Variants in ST14 observed in about 807,000 individuals in gnomAD.
The protein encoded by ST14 is ST14 transmembrane serine protease matriptase.
A neutral mutation model predicts 96.5 loss-of-function variants in ST14; 40 were observed. That is an observed-to-expected ratio of 0.41 (90% CI 0.32 to 0.54). The LOEUF (loss-of-function observed/expected upper bound fraction) is 0.54. Among genes scored for constraint, ST14 ranks in the 20% least tolerant of loss-of-function variants. ST14 has a pLI of 0.17. For missense variants in ST14, 1,066 were observed against 1,188.9 expected (o/e 0.90, Z 1.52); for synonymous variants, 506 against 492.1 (o/e 1.03, Z -0.37).
At chr11:130,189,380 G>T (rs1214317789) in intron 4 of ST14, 2 of 457,178 alleles carry the variant, frequency 4.4e-6, no homozygotes, top group East Asian at 8.4e-5. Flanking sequence ...GGGGAATGCT[G>T]TGTGGCAGGT....
In ST14 at chr11:130,209,556, G is replaced by A; in HGVS notation, c.2384G>A (p.Ser795Asn). The change falls in exon 18 of 19, where the codon AGC (serine) becomes AAC (asparagine). Residue 795 changes from serine to asparagine, a missense_variant. Physicochemically the swap from Ser to Asn is conservative, Grantham distance 46 (BLOSUM62 1). Coordinates refer to ENST00000278742, the MANE Select transcript of ST14 (RefSeq NM_021978.4). ...CGCATGATGTGCGTGGGCTTCCTCA[G>A]CGGCGGCGTGGACTCCTGCCAGGTG... ...TPRMMCVGFL[S>N]GGVDSCQGDS... The A allele has an allele frequency of 6.4e-7, 1 of 1,574,106 alleles. No homozygotes were observed. The highest frequency in any genetic ancestry group is 8.6e-7 in the Non-Finnish European group (1 of 1,159,988).
chr11:130,209,777 G>A lies in ST14; in HGVS notation c.2522G>A (p.Arg841Lys). 1 of 1,614,066 alleles carries A rather than the reference G, an allele frequency of 6.2e-7. No homozygotes were observed. The highest frequency in any genetic ancestry group is 8.5e-7 in the Non-Finnish European group (1 of 1,180,028). ...AQRNKPGVYT[R>K]LPLFRDWIKE... ...AGGAACAAGCCAGGCGTGTACACAA[G>A]GCTCCCTCTGTTTCGGGACTGGATC... Residue 841 changes from arginine (R) to lysine (K), a missense_variant, in exon 19 of 19, where the codon AGG (arginine) becomes AAG (lysine). Coordinates refer to ENST00000278742, the MANE Select transcript of ST14 (RefSeq NM_021978.4).
intron 1 of ST14, among the ~76,000 whole-genome samples, chr11:130,177,844 C>T (rs998562744): frequency 4.6e-5 from 7 of 152,250 alleles, no homozygotes; most frequent in African/African-American, 1.7e-4. Context: ...TGGAGGCTTT[C>T]GCCTTAGCAT....
chr11:130,190,298 T>G, intron 6 of ST14, 150 bp downstream of exon 6: 1 of 1,475,754 alleles, frequency 6.8e-7, no homozygotes, highest in Non-Finnish European at 9.3e-7. Context: ...CAGGCCCTTC[T>G]GAGAAGCCCC....
intron 1 of ST14, among the ~76,000 whole-genome samples, chr11:130,178,271 G>A (rs1198032787): frequency 1.4e-5 from 2 of 141,034 alleles, no homozygotes; most frequent in Non-Finnish European, 3.0e-5. Flanking sequence ...TGTCGGTCTT[G>A]CCGGGAAGAG....
intron 1 of ST14, among the ~76,000 whole-genome samples, chr11:130,182,730 A>G (rs1051679567): frequency 1.3e-5 from 2 of 149,870 alleles, no homozygotes; most frequent in African/African-American, 2.5e-5. Context: ...GCTCACTGCA[A>G]TCTCCGCCTC....
At chr11:130,172,749 T>G (rs1953104446) in intron 1 of ST14, among the ~76,000 whole-genome samples, 1 of 152,184 alleles carries the variant, frequency 6.6e-6, no homozygotes, top group African/African-American at 2.4e-5. Context: ...CACAGAGTCC[T>G]CTACTGAGGA....
At chr11:130,183,760 G>A (rs1371785350) in intron 1 of ST14, among the ~76,000 whole-genome samples, 1 of 152,106 alleles carries the variant, frequency 6.6e-6, no homozygotes, top group East Asian at 1.9e-4. Flanking sequence ...TGAAGCTATT[G>A]TAAATGGTGT....
intron 7 of ST14, among the ~76,000 whole-genome samples, chr11:130,193,433 T>G (rs1378898274): frequency 2.0e-5 from 3 of 151,958 alleles, no homozygotes; most frequent in Admixed American, 1.3e-4. Flanking sequence ...GTTTATTTAA[T>G]AAATCCTCTG....
intron 7 of ST14, among the ~76,000 whole-genome samples, chr11:130,191,689 C>CAAAA (rs4054265): frequency 2.1e-4 from 23 of 109,004 alleles, no homozygotes; most frequent in Middle Eastern, 4.6e-3. Flanking sequence ...GACTCTGTCT[C>CAAAA]AAAAAAAAAA....
At chr11:130,205,646 A>G (rs1290084686) in intron 16 of ST14, among the ~76,000 whole-genome samples, 2 of 149,302 alleles carry the variant, frequency 1.3e-5, no homozygotes, top group Admixed American at 1.3e-4. Context: ...CTGCGAGCTG[A>G]CGTACGCGTC....
chr11:130,207,021 CG>C (rs1953496771), intron 16 of ST14, among the ~76,000 whole-genome samples: 1 of 152,144 alleles, frequency 6.6e-6, no homozygotes, highest in African/African-American at 2.4e-5. Context: ...CCACTTATTT[CG>C]GGGTTCTTAT....
rs1430322734 is a variant in ST14, at chr11:130,175,732, C to T, written c.82-12382C>T. 8.6e-5 allele frequency among the ~76,000 whole-genome samples: 13 copies of T among 151,530 alleles called. No homozygotes were observed. The East Asian group carries it at 1.2e-3, about 14-fold the overall frequency. The stretch of plus-strand genomic sequence containing the variant: ...AGGCTGGAGTGCAATGGTGCGATCT[C>T]GGCTCACTGCAACCTCCACCCCCTG... On this transcript the variant is annotated intron_variant, in intron 1 of 18. Transcript: ENST00000278742.
At chr11:130,162,277 A>AC (rs1438080725) in intron 1 of ST14, among the ~76,000 whole-genome samples, 1 of 152,110 alleles carries the variant, frequency 6.6e-6, no homozygotes, top group Non-Finnish European at 1.5e-5. Flanking sequence ...GATGCACGTT[A>AC]CTGCATCTGG....
At position 130,210,104 on chromosome 11, in the gene ST14, G is replaced by C; in HGVS notation, c.*281G>C. The C allele has an allele frequency of 2.2e-6, 1 of 456,094 alleles. No homozygotes were observed. Among genetic ancestry groups the C allele is most frequent in the Non-Finnish European group, 4.0e-6 (1 of 251,260 alleles). The allele number at this position is 456,094 out of a possible 1,614,324, so 28.3% of individuals were successfully genotyped here. On this transcript the variant is annotated 3_prime_UTR_variant, in exon 19 of 19. Coordinates refer to ENST00000278742, the MANE Select transcript of ST14 (RefSeq NM_021978.4). ...AGCCTCCCCCGCCAGCCCCAAGCTG[G>C]GCCGAGGCGCGTTTGTGCATATCTG...
In ST14 at chr11:130,188,553, G is replaced by A. The variant is rs766607745; in HGVS notation, c.265G>A (p.Val89Ile). 2 of 1,614,094 alleles carry A rather than the reference G, an allele frequency of 1.2e-6. No individual in the cohort carries two copies. Among genetic ancestry groups the A allele is most frequent in the East Asian group, 2.2e-5 (1 of 44,886 alleles). Reference sequence around the variant, plus strand: ...AGACCGGGACGTGCGTGTCCAGAAGGTCTTCAATGGCTACATGAGGATCAC... The same window carrying A: ...AGACCGGGACGTGCGTGTCCAGAAGATCTTCAATGGCTACATGAGGATCAC... ...LQYRDVRVQK[V>I]FNGYMRITNE... The change falls in exon 3 of 19, where the codon GTC becomes ATC. Residue 89 changes from valine to isoleucine, a missense_variant. Coordinates refer to ENST00000278742, the MANE Select transcript of ST14 (RefSeq NM_021978.4). This position sits in a 1 kb window ranked among gnomAD's most constrained non-coding sequence, Gnocchi z 5.4.
chr11:130,197,974 C>T (rs1031508601), intron 12 of ST14, 29 bp downstream of exon 12: 2 of 1,545,952 alleles, frequency 1.3e-6, no homozygotes, highest in Non-Finnish European at 1.7e-6. Context: ...CCCGGTCTCC[C>T]CACCCTCCTT....
intron 1 of ST14, among the ~76,000 whole-genome samples, chr11:130,164,942 G>T (rs542053194): frequency 1.3e-5 from 2 of 151,852 alleles, no homozygotes; most frequent in Non-Finnish European, 2.9e-5. Flanking sequence ...TCTCCATGTT[G>T]GTCAGGCTGG....
chr11:130,209,257 C>T (rs905406027), intron 17 of ST14, among the ~76,000 whole-genome samples, 185 bp from the exon 18 acceptor site: 1 of 152,168 alleles, frequency 6.6e-6, no homozygotes, highest in African/African-American at 2.4e-5. Context: ...TCTCAGCATG[C>T]CCCTGCTTCC....
Sources: allele counts gnomAD v4.1 joint callset (sites outside exome capture counted in the v4.1 genomes callset), GRCh38; gene constraint gnomAD v4.1.1; non-coding constraint Gnocchi (gnomAD v3.1); transcripts MANE v1.5; gene names NCBI Gene and HGNC (gene_info 2026-07-23, HGNC 2026-07-21).